RANBP2: variants seen among roughly 807,000 people sequenced by gnomAD.
RANBP2 encodes the protein E3 SUMO-protein ligase RanBP2.
A neutral mutation model predicts 303.6 loss-of-function variants in RANBP2; 57 were observed. That is an observed-to-expected ratio of 0.19 (90% confidence interval 0.15 to 0.23). The LOEUF (loss-of-function observed/expected upper bound fraction) is 0.23. Ranked by LOEUF, RANBP2 falls within the 10% of genes least tolerant of loss-of-function variation. The probability of loss-of-function intolerance (pLI) is 1.00; values close to 1 mark genes in which losing one functional copy is unlikely to be tolerated. For synonymous variants in RANBP2, 1,167 were observed against 1,301.5 expected, an observed-to-expected ratio of 0.90 and a Z score of 2.23; for missense variants, 3,138 against 3,780.8, an observed-to-expected ratio of 0.83 and a Z score of 4.46.
chr2:109,546,362 T>C, the RANBP2 span: 1 of 524,928 alleles, frequency 1.9e-6, no homozygotes, highest in African/African-American at 1.9e-5. Context: ...TCAAAATCTT[T>C]CTGAAGTCTC....
At chr2:109,157,417 A>G in the RANBP2 span, among the ~76,000 whole-genome samples, 8 of 152,240 alleles carry the variant, frequency 5.3e-5, no homozygotes, top group Non-Finnish European at 1.2e-4. Flanking sequence ...GAATATGTGT[A>G]ATGTTGCCTT....
chr2:109,258,599 G>A, the RANBP2 span, among the ~76,000 whole-genome samples: 1 of 152,218 alleles, frequency 6.6e-6, no homozygotes, highest in African/African-American at 2.4e-5. Context: ...CAATTCCCCA[G>A]GCCGGGCCAC....
At chr2:109,651,861 G>C in the RANBP2 span, among the ~76,000 whole-genome samples, 1 of 152,116 alleles carries the variant, frequency 6.6e-6, no homozygotes, top group Admixed American at 6.6e-5. Context: ...GATGATTCCT[G>C]CTACTCCCTG....
the RANBP2 span, among the ~76,000 whole-genome samples, chr2:108,972,567 A>G: frequency 1.3e-5 from 2 of 152,242 alleles, no homozygotes; most frequent in Non-Finnish European, 2.9e-5. Context: ...ACCTGGGTTC[A>G]GAAGCTGGTG....
rs2149273156 is a variant in RANBP2, at chr2:108,764,076, T to C, written c.3537T>C (p.Pro1179=). ...GPHFEPVVPL[P]DKIEVKTGEE... ...ACTTTGAGCCTGTAGTACCTCTTCC[T>C]GATAAGATTGAAGTAAAAACTGGTG... The change falls in exon 20 of 29, where the codon CCT becomes CCC. Residue 1179 remains proline, a synonymous_variant. Coordinates refer to ENST00000283195, the MANE Select transcript of RANBP2 (RefSeq NM_006267.5). The C allele has an allele frequency of 6.2e-7, 1 of 1,614,056 alleles. No homozygotes were observed. The highest frequency in any genetic ancestry group is 8.5e-7 in the Non-Finnish European group (1 of 1,179,992).
At chr2:109,079,283 C>G in the RANBP2 span, among the ~76,000 whole-genome samples, 2 of 152,010 alleles carry the variant, frequency 1.3e-5, no homozygotes, top group African/African-American at 4.8e-5. Flanking sequence ...TTTCTTTTCC[C>G]TAACTTACTT....
At chr2:109,662,595 T>A in the RANBP2 span, among the ~76,000 whole-genome samples, 1 of 152,166 alleles carries the variant, frequency 6.6e-6, no homozygotes, top group Non-Finnish European at 1.5e-5. Context: ...AATTCTTGTA[T>A]TTTTAGGGTT....
chr2:109,334,900 T>C, the RANBP2 span, among the ~76,000 whole-genome samples: 11 of 152,244 alleles, frequency 7.2e-5, no homozygotes, highest in Non-Finnish European at 8.8e-5. Context: ...TGAGAAGCCT[T>C]CTTTTTGCTT....
At chr2:108,884,981 A>C in the RANBP2 span, 1 of 152,236 alleles carries the variant, frequency 6.6e-6, no homozygotes, top group Non-Finnish European at 1.5e-5. Context: ...AGTTACATCA[A>C]AATTTCTTCC....
the RANBP2 span, among the ~76,000 whole-genome samples, chr2:109,360,489 CACAAATGAATTTTGTGTTT>C: frequency 6.6e-6 from 1 of 152,112 alleles, no homozygotes; most frequent in Admixed American, 6.5e-5. Flanking sequence ...ATATATAAAA[CACAAATGAATTTTGTGTTT>C]AGACTGGGGT....
chr2:108,952,343 G>A, the RANBP2 span, among the ~76,000 whole-genome samples: 4 of 152,150 alleles, frequency 2.6e-5, no homozygotes, highest in Non-Finnish European at 5.9e-5. Context: ...TTAAATATCA[G>A]GATTTTGTTT....
chr2:109,273,253 A>G, the RANBP2 span, among the ~76,000 whole-genome samples: 2 of 152,224 alleles, frequency 1.3e-5, no homozygotes, highest in Non-Finnish European at 2.9e-5. Context: ...CCAGGCTGGG[A>G]AGGCACATGT....
the RANBP2 span, among the ~76,000 whole-genome samples, chr2:109,006,783 C>T: frequency 2.2e-4 from 33 of 152,342 alleles, no homozygotes; most frequent in African/African-American, 7.9e-4. Context: ...ACTGCCCGTC[C>T]TCCAAGCATT....
the RANBP2 span, among the ~76,000 whole-genome samples, chr2:108,919,389 G>A: frequency 2.6e-5 from 4 of 151,998 alleles, no homozygotes; most frequent in Non-Finnish European, 4.4e-5. Context: ...GCGGAGTTTC[G>A]CTCTTGTTGC....
the RANBP2 span, among the ~76,000 whole-genome samples, chr2:109,669,158 T>C: frequency 2.0e-5 from 3 of 152,010 alleles, no homozygotes; most frequent in Non-Finnish European, 2.9e-5. Flanking sequence ...CTATCTCTCC[T>C]CATACATGAA....
chr2:109,652,454 T>A, the RANBP2 span, among the ~76,000 whole-genome samples: 2 of 152,336 alleles, frequency 1.3e-5, no homozygotes, highest in South Asian at 4.1e-4. Context: ...CTTGATCTCC[T>A]GACTTCGTGA....
At chr2:109,673,131 C>A in the RANBP2 span, among the ~76,000 whole-genome samples, 1 of 152,132 alleles carries the variant, frequency 6.6e-6, no homozygotes, top group African/African-American at 2.4e-5. Flanking sequence ...CATACAGGTG[C>A]CTCGGTGACT....
the RANBP2 span, among the ~76,000 whole-genome samples, chr2:108,870,105 A>C: frequency 6.6e-6 from 1 of 152,242 alleles, no homozygotes; most frequent in Non-Finnish European, 1.5e-5. Flanking sequence ...TCAATGAGTT[A>C]ATGAGAAATA....
At position 108,783,913 on chromosome 2, in the gene RANBP2, T is replaced by C; in HGVS notation, c.*12T>C. On this transcript the variant is annotated 3_prime_UTR_variant, in exon 29 of 29. Transcript: ENST00000283195. ...GTGGACAGATATAAAATCATTGTTG[T>C]TCATAGAAAATTTCATCTGTATAAG... is the stretch of plus-strand genomic sequence containing the variant. The C allele has an allele frequency of 1.9e-6, 3 of 1,601,234 alleles. No homozygotes were observed. The highest frequency in any genetic ancestry group is 2.6e-6 in the Non-Finnish European group (3 of 1,168,612).
Sources: gnomAD v4.1 joint callset for allele counts (sites outside exome capture counted in the v4.1 genomes callset) on GRCh38, gnomAD v4.1.1 for gene constraint, MANE v1.5 for transcripts, NCBI Gene and HGNC (gene_info 2026-07-23, HGNC 2026-07-21) for gene names.